Variants in CADM2 observed in about 807,000 individuals in gnomAD.
The protein encoded by CADM2 is immunoglobulin superfamily member 4D.
Under a neutral mutation model 49.8 loss-of-function variants are expected in CADM2, and 12 were observed. That is an observed-to-expected ratio of 0.24 (90% CI 0.15 to 0.39). The LOEUF (loss-of-function observed/expected upper bound fraction) is 0.39, where lower values mean the gene tolerates loss of function less well. Ranked by LOEUF, CADM2 falls within the 10% of genes least tolerant of loss-of-function variation. The probability of loss-of-function intolerance (pLI) is 1.00; values close to 1 mark genes in which losing one functional copy is unlikely to be tolerated. For synonymous variants in CADM2, 214 were observed against 175.4 expected (o/e 1.22, Z -1.74); for missense variants, 378 against 492.3 (o/e 0.77, Z 2.20).
At chr3:86,047,051 A>G (rs1736770312) in intron 8 of CADM2, among the ~76,000 whole-genome samples, 1 of 151,992 alleles carries the variant, frequency 6.6e-6, no homozygotes, top group Non-Finnish European at 1.5e-5. Flanking sequence ...TTTAGATGTA[A>G]TCTTCAGTCA....
At chr3:85,754,037 G>A (rs2068983965) in intron 2 of CADM2, among the ~76,000 whole-genome samples, 1 of 152,154 alleles carries the variant, frequency 6.6e-6, no homozygotes, top group East Asian at 1.9e-4. Context: ...GTCTGCATAC[G>A]CAGTGGCCTG....
chr3:85,726,984 G>A (rs1044437467), intron 2 of CADM2, among the ~76,000 whole-genome samples: 5 of 151,862 alleles, frequency 3.3e-5, no homozygotes, highest in South Asian at 4.2e-4. Flanking sequence ...ATAAGCTATC[G>A]ATTTCTATTT....
At chr3:85,425,103 A>T (rs1457275157) in intron 1 of CADM2, among the ~76,000 whole-genome samples, 4 of 152,200 alleles carry the variant, frequency 2.6e-5, no homozygotes, top group Admixed American at 2.0e-4. Context: ...GGTCACGAAC[A>T]TATTCTATTT....
At chr3:85,910,002 C>T (rs533772919) in intron 5 of CADM2, among the ~76,000 whole-genome samples, 4 of 152,044 alleles carry the variant, frequency 2.6e-5, no homozygotes, top group South Asian at 4.2e-4. Context: ...TCACATAAGC[C>T]GATATTAAAA....
chr3:85,108,601 A>T (rs956222038), intron 1 of CADM2, among the ~76,000 whole-genome samples: 1 of 152,094 alleles, frequency 6.6e-6, no homozygotes, highest in Admixed American at 6.6e-5. Flanking sequence ...GTGATGGTTG[A>T]ACAACAATAT....
At chr3:85,205,169 C>A (rs1298890872) in intron 1 of CADM2, among the ~76,000 whole-genome samples, 1 of 151,088 alleles carries the variant, frequency 6.6e-6, no homozygotes, top group Admixed American at 6.6e-5. Flanking sequence ...ATGCAGGTGC[C>A]ACCGTGCCTG....
Position 85,883,455 on chromosome 3 carries a change from G to T in CADM2, c.391+12G>T. 22 of 1,590,534 alleles carry T rather than the reference G, an allele frequency of 1.4e-5. No homozygotes were observed. The highest frequency in any genetic ancestry group is 1.8e-5 in the Non-Finnish European group (21 of 1,165,250). On this transcript the variant is annotated intron_variant, in intron 4 of 9. Coordinates refer to ENST00000383699, the MANE Select transcript of CADM2 (RefSeq NM_001167675.2). ...TCTCACCGTTCTGGGTAAGTGCAAG[G>T]GACTAACACCATGTAATCACAAAAC...
intron 1 of CADM2, among the ~76,000 whole-genome samples, chr3:85,427,195 TA>T (rs1369303338): frequency 9.2e-5 from 11 of 120,200 alleles, no homozygotes; most frequent in East Asian, 9.1e-4. Flanking sequence ...TATATATATA[TA>T]TATATGTATA....
intron 8 of CADM2, among the ~76,000 whole-genome samples, chr3:86,030,793 A>T (rs1466767001): frequency 6.6e-6 from 1 of 151,970 alleles, no homozygotes; most frequent in Admixed American, 6.6e-5. Flanking sequence ...AAAGAAAGGC[A>T]TAGAATGTAT....
chr3:85,230,487 A>T (rs1181030526), intron 1 of CADM2, among the ~76,000 whole-genome samples: 1 of 152,224 alleles, frequency 6.6e-6, no homozygotes, highest in Admixed American at 6.5e-5. Flanking sequence ...GATTTTACTT[A>T]GTATTCACCT....
chr3:85,201,883 C>T (rs1289934187), intron 1 of CADM2, among the ~76,000 whole-genome samples: 1 of 151,902 alleles, frequency 6.6e-6, no homozygotes, highest in Non-Finnish European at 1.5e-5. Flanking sequence ...GAGATCAAGA[C>T]CATCCTGGCC....
intron 1 of CADM2, among the ~76,000 whole-genome samples, chr3:85,240,179 T>A (rs1305029998): frequency 6.6e-6 from 1 of 151,574 alleles, no homozygotes; most frequent in East Asian, 1.9e-4. Flanking sequence ...ATGTTGTTGC[T>A]TTATTTGTTT....
intron 8 of CADM2, among the ~76,000 whole-genome samples, chr3:85,977,756 A>G (rs1385830167): frequency 6.6e-6 from 1 of 151,578 alleles, no homozygotes; most frequent in African/African-American, 2.4e-5. Context: ...TTCCCTAGTG[A>G]TTAATGCAGC....
chr3:85,219,010 T>C (rs1463123938), intron 1 of CADM2, among the ~76,000 whole-genome samples: 1 of 152,122 alleles, frequency 6.6e-6, no homozygotes, highest in Non-Finnish European at 1.5e-5. Context: ...ATGAAGATGA[T>C]TGTGTAAAAT....
chr3:86,032,984 A>G (rs775665437), intron 8 of CADM2, among the ~76,000 whole-genome samples: 1 of 151,838 alleles, frequency 6.6e-6, no homozygotes, highest in Non-Finnish European at 1.5e-5. Flanking sequence ...AACCTTTATC[A>G]ATCTCTTTTC....
At chr3:85,757,255 G>T (rs1487882355) in intron 2 of CADM2, among the ~76,000 whole-genome samples, 1 of 152,080 alleles carries the variant, frequency 6.6e-6, no homozygotes, top group African/African-American at 2.4e-5. Context: ...TAAGAGTTTG[G>T]CTTGAAGACG....
At chr3:85,698,001 C>A (rs2066623644) in intron 1 of CADM2, among the ~76,000 whole-genome samples, 1 of 152,198 alleles carries the variant, frequency 6.6e-6, no homozygotes, top group Admixed American at 6.5e-5. Context: ...TCAATAATAA[C>A]TTAAAGATCA....
At chr3:86,050,743 G>T (rs1737233746) in intron 8 of CADM2, among the ~76,000 whole-genome samples, 1 of 152,100 alleles carries the variant, frequency 6.6e-6, no homozygotes, top group African/African-American at 2.4e-5. Context: ...GTTATAGCTG[G>T]TCCCACTTGA....
rs139466331 is a variant in CADM2, at chr3:85,776,712, A to C, written c.89-25335A>C. Among the ~76,000 whole-genome samples, 190 of 152,272 alleles carry C rather than the reference A, an allele frequency of 1.2e-3. 7 individuals carry two copies. The East Asian group carries it at 0.033, about 27-fold the overall frequency. Reference sequence around the variant, plus strand: ...CACCACAGAAATGTAATATTTCAATATAAGTGTTAAGGCATTTTTGATAAA... The same window carrying C: ...CACCACAGAAATGTAATATTTCAATCTAAGTGTTAAGGCATTTTTGATAAA... On this transcript the variant is annotated intron_variant, in intron 2 of 9. Coordinates refer to ENST00000383699, the MANE Select transcript of CADM2 (RefSeq NM_001167675.2).
Sources: allele counts gnomAD v4.1 joint callset (sites outside exome capture counted in the v4.1 genomes callset), GRCh38; gene constraint gnomAD v4.1.1; transcripts MANE v1.5; gene names NCBI Gene and HGNC (gene_info 2026-07-23, HGNC 2026-07-21).